Variants in DEF8 observed in about 807,000 individuals in gnomAD.
The protein encoded by DEF8 is DEF-8.
Under a neutral mutation model 59.1 loss-of-function variants are expected in DEF8, and 38 were observed. The observed-to-expected ratio is 0.64, with a 90% CI of 0.50 to 0.84. The LOEUF is 0.84. Ranked by LOEUF, DEF8 falls within the 40% of genes least tolerant of loss-of-function variation. The probability of loss-of-function intolerance (pLI) is 0.00; values close to 1 mark genes in which losing one functional copy is unlikely to be tolerated. For synonymous variants in DEF8, 265 were observed against 250.1 expected (o/e 1.06, Z -0.56); for missense variants, 557 against 615.2 (o/e 0.91, Z 1.00).
At chr16:89,950,236 T>A (rs2031756860) in intron 2 of DEF8, 2 of 985,820 alleles carry the variant, frequency 2.0e-6, no homozygotes, top group Admixed American at 1.2e-4. Flanking sequence ...TCACCATATG[T>A]GATGACAGTG....
At chr16:89,955,145 A>T (rs750447608) in intron 3 of DEF8, 24 bp from the exon 4 acceptor site, 1 of 1,593,438 alleles carries the variant, frequency 6.3e-7, no homozygotes, top group South Asian at 1.1e-5. Flanking sequence ...CTGACGCTCC[A>T]CACCTGTCCC....
chr16:89,963,079 A>T (rs2034241488), intron 9 of DEF8, among the ~76,000 whole-genome samples: 2 of 152,208 alleles, frequency 1.3e-5, no homozygotes, highest in African/African-American at 4.8e-5. Flanking sequence ...TTTCTCCGGA[A>T]GTTTGGCTTG....
At chr16:89,961,184 C>T in intron 7 of DEF8, 89 bp downstream of exon 7, 5 of 1,512,408 alleles carry the variant, frequency 3.3e-6, no homozygotes, top group Middle Eastern at 1.8e-4. Flanking sequence ...GTAAGTCAGA[C>T]AGTTGAGTGA....
At chr16:89,960,263 ACT>A (rs1440318433) in intron 6 of DEF8, among the ~76,000 whole-genome samples, 3 of 151,090 alleles carry the variant, frequency 2.0e-5, no homozygotes, top group African/African-American at 7.3e-5. Context: ...GAGGGGGATG[ACT>A]CTGATTGGGC....
chr16:89,952,963 A>T (rs930254930), intron 2 of DEF8, among the ~76,000 whole-genome samples: 5 of 152,224 alleles, frequency 3.3e-5, no homozygotes, highest in African/African-American at 1.2e-4. Context: ...CAGTTCTTCC[A>T]GGCCACAGTG....
chr16:89,960,875 C>T (rs1022230522), intron 6 of DEF8, 56 bp from the exon 7 acceptor site: 2 of 1,578,492 alleles, frequency 1.3e-6, no homozygotes, highest in Non-Finnish European at 1.7e-6. Flanking sequence ...TGAGGGTGGC[C>T]TGGGCTGCAG....
In DEF8 at chr16:89,949,060, A is replaced by G. The variant is rs1393613830; in HGVS notation, c.-108+246A>G. On this transcript the variant is annotated intron_variant, in intron 1 of 12. Transcript: ENST00000563594. ...CGGGGTCGGCGGGGTCGGGGCTGGG[A>G]GGGACGGGGCCGGCGGGGACGGGGC... Among the ~76,000 whole-genome samples the G allele has an allele frequency of 4.7e-3, 65 of 13,866 alleles. 7 individuals carry two copies. The African/African-American group carries it at 0.058, about 12-fold the overall frequency. The allele number at this position is 13,866 out of a possible 152,430, so 9.1% of individuals were successfully genotyped here.
intron 9 of DEF8, among the ~76,000 whole-genome samples, 174 bp from the exon 10 acceptor site, chr16:89,963,189 G>A (rs1182892089): frequency 2.0e-5 from 3 of 152,200 alleles, no homozygotes; most frequent in South Asian, 2.1e-4. Flanking sequence ...TGAGCCTCAC[G>A]GTCCTGCCCA....
At chr16:89,950,003 G>T (rs1040431323) in intron 2 of DEF8, 2 of 1,045,096 alleles carry the variant, frequency 1.9e-6, no homozygotes, top group Non-Finnish European at 2.3e-6. Flanking sequence ...CTGCCCGTGC[G>T]CCAGGCCTGG....
intron 2 of DEF8, chr16:89,952,537 A>T (rs2032360341): frequency 6.6e-6 from 1 of 152,256 alleles, no homozygotes; most frequent in East Asian, 1.9e-4. Flanking sequence ...GTGACAAACA[A>T]AAATGAGGCT....
At chr16:89,958,904 A>G in intron 5 of DEF8, 110 bp from the exon 6 acceptor site, 1 of 1,527,014 alleles carries the variant, frequency 6.5e-7, no homozygotes, top group Non-Finnish European at 8.7e-7. Context: ...GAAACTCACA[A>G]TCTCTGCCCT....
rs1273429814 is a variant in DEF8, at chr16:89,966,379, G to A, written c.*416G>A. 6.2e-6 allele frequency: 1 copy of A among 161,004 alleles called. No individual in the cohort carries two copies. The highest frequency in any genetic ancestry group is 1.4e-5 in the Non-Finnish European group (1 of 72,968). 10.0% of individuals were successfully genotyped at this position (161,004 alleles called of 1,614,324 possible). Reference sequence around the variant, plus strand: ...AGGCCAAGACCCGGACAGAGCTTCAGAGGAGTGTTGAGTGACACCTGAGGA... The same window carrying A: ...AGGCCAAGACCCGGACAGAGCTTCAAAGGAGTGTTGAGTGACACCTGAGGA... On this transcript the variant is annotated 3_prime_UTR_variant, in exon 13 of 13. Transcript: ENST00000563594.
chr16:89,963,054 G>A (rs989972823), intron 9 of DEF8, among the ~76,000 whole-genome samples: 1 of 152,272 alleles, frequency 6.6e-6, no homozygotes, highest in African/African-American at 2.4e-5. Flanking sequence ...GCCAGGGCTG[G>A]GGAGGCAGCT....
intron 6 of DEF8, chr16:89,959,472 T>C: frequency 1.4e-6 from 1 of 701,926 alleles, no homozygotes. Flanking sequence ...CACGTGACTT[T>C]GTTTTTTGTT....
Position 89,949,738 on chromosome 16 carries a change from G to T in DEF8, c.-11+225G>T, listed in dbSNP as rs930590339. ...GCTTCCTTTCATTGCTAAGTTGTGG[G>T]GTCCTCCCCGATGAGAGCAGTGGGC... is the stretch of plus-strand genomic sequence containing the variant. On this transcript the variant is annotated intron_variant, in intron 2 of 12. Coordinates refer to ENST00000563594, the MANE Select transcript of DEF8 (RefSeq NM_001242818.2). The T allele has an allele frequency of 5.0e-6, 6 of 1,189,086 alleles. No homozygotes were observed. In the African/African-American group the frequency reaches 9.2e-5, roughly 18 times the overall value. 73.7% of individuals were successfully genotyped at this position (1,189,086 alleles called of 1,614,324 possible).
chr16:89,957,147 AAATGTC>A (rs2033344216), intron 4 of DEF8: 1 of 169,156 alleles, frequency 5.9e-6, no homozygotes, highest in Non-Finnish European at 1.3e-5. Flanking sequence ...TCATGACAGC[AAATGTC>A]CTTTCCCTAG....
At chr16:89,960,200 T>C (rs971435135) in intron 6 of DEF8, among the ~76,000 whole-genome samples, 8 of 152,058 alleles carry the variant, frequency 5.3e-5, no homozygotes, top group African/African-American at 1.9e-4. Context: ...TGAGCTTTAA[T>C]AGGTTACTGT....
In DEF8 at chr16:89,954,471, G is replaced by C; in HGVS notation, c.124+95G>C. ...TTCCTGCCGCGTCCTGCGCAGCCCT[G>C]GCTTTCCCACGGAGCCGGCACCTGC... is the stretch of plus-strand genomic sequence containing the variant. On this transcript the variant is annotated intron_variant, in intron 3 of 12. Transcript: ENST00000563594. This position sits in a 1 kb window ranked among gnomAD's most constrained non-coding sequence, Gnocchi z 4.3. 7.0e-7 allele frequency: 1 copy of C among 1,419,706 alleles called. No individual in the cohort carries two copies. Among genetic ancestry groups the C allele is most frequent in the Non-Finnish European group, 9.5e-7 (1 of 1,048,614 alleles). 87.9% of individuals were successfully genotyped at this position (1,419,706 alleles called of 1,614,324 possible). A position where few individuals can be genotyped will look rare whatever the true frequency, so the allele number is the denominator to read the frequency against.
chr16:89,967,670 G>A lies in DEF8; in HGVS notation c.*1707G>A. On this transcript the variant is annotated 3_prime_UTR_variant, in exon 13 of 13. Transcript: ENST00000563594. ...GCTGTTTCCCAACACCCCAAAGTCTGCACACGTCTCATGAATGCATCACAT... is the reference window on the plus strand; with the variant it reads ...GCTGTTTCCCAACACCCCAAAGTCTACACACGTCTCATGAATGCATCACAT... The A allele has an allele frequency of 2.5e-6, 1 of 394,918 alleles. No homozygotes were observed. Among genetic ancestry groups the A allele is most frequent in the Non-Finnish European group, 4.5e-6 (1 of 224,256 alleles). 24.5% of individuals were successfully genotyped at this position (394,918 alleles called of 1,614,324 possible).
Sources: gnomAD v4.1 joint callset for allele counts (sites outside exome capture counted in the v4.1 genomes callset) on GRCh38, gnomAD v4.1.1 for gene constraint, Gnocchi (gnomAD v3.1) non-coding constraint, MANE v1.5 for transcripts, NCBI Gene and HGNC (gene_info 2026-07-23, HGNC 2026-07-21) for gene names.